The following GABRB1 variants were observed in gnomAD, a reference collection of about 807,000 sequenced individuals.
GABRB1 encodes gamma-aminobutyric acid receptor subunit beta-1.
In GABRB1, 17 loss-of-function variants were observed where a neutral mutation model predicts 51.6. The ratio of observed to expected loss-of-function variants is 0.33; its 90% CI spans 0.23 to 0.49. The LOEUF (loss-of-function observed/expected upper bound fraction) is 0.49, where lower values mean the gene tolerates loss of function less well. GABRB1 is among the 20% of genes least tolerant of loss of function. The pLI is 0.99. For synonymous variants in GABRB1, 247 were observed against 218.9 expected, an observed-to-expected ratio of 1.13 and a Z score of -1.14; for missense variants, 410 against 600.6, an observed-to-expected ratio of 0.68 and a Z score of 3.32.
rs562731906 is a variant in GABRB1, at chr4:47,304,138, G to C, written c.462-15989G>C. Among the ~76,000 whole-genome samples, 13 of 151,960 alleles carry C rather than the reference G, an allele frequency of 8.6e-5. No individual in the cohort carries two copies. The East Asian group carries it at 2.5e-3, about 29-fold the overall frequency. On this transcript the variant is annotated intron_variant, in intron 4 of 8. Coordinates refer to ENST00000295454, the MANE Select transcript of GABRB1 (RefSeq NM_000812.4). ...GATATCTCTTCAACAGACTGATTTT[G>C]TTTCCTTTGACTATTTACCCAGTAG...
At chr4:47,259,915 T>C (rs1471785965) in intron 4 of GABRB1, among the ~76,000 whole-genome samples, 1 of 152,194 alleles carries the variant, frequency 6.6e-6, no homozygotes, top group Non-Finnish European at 1.5e-5. Context: ...TGTCTGATGT[T>C]GACAGTGGGG....
intron 4 of GABRB1, among the ~76,000 whole-genome samples, chr4:47,163,164 G>GT (rs780534518): frequency 5.9e-4 from 90 of 152,062 alleles, no homozygotes; most frequent in Admixed American, 1.1e-3. Flanking sequence ...TTAAGACTTA[G>GT]TTTTATCAGT....
At chr4:47,247,994 G>A (rs1235142058) in intron 4 of GABRB1, among the ~76,000 whole-genome samples, 1 of 152,008 alleles carries the variant, frequency 6.6e-6, no homozygotes, top group Non-Finnish European at 1.5e-5. Flanking sequence ...TGATTTGGAT[G>A]CCCTTTGTTT....
At chr4:47,004,817 T>C (rs1724337201) in intron 1 of GABRB1, among the ~76,000 whole-genome samples, 1 of 152,254 alleles carries the variant, frequency 6.6e-6, no homozygotes, top group Non-Finnish European at 1.5e-5. Context: ...CATCTAGTTT[T>C]TCCACCTTTA....
At chr4:47,402,102 C>G (rs1038364516) in intron 5 of GABRB1, among the ~76,000 whole-genome samples, 1 of 152,160 alleles carries the variant, frequency 6.6e-6, no homozygotes, top group South Asian at 2.1e-4. Flanking sequence ...AAAGTTAAGA[C>G]AGTTTTGTTT....
At chr4:47,137,324 T>C (rs575876970) in intron 3 of GABRB1, among the ~76,000 whole-genome samples, 30 of 28,110 alleles carry the variant, frequency 1.1e-3, no homozygotes, top group African/African-American at 3.5e-3. Context: ...CGCATGTCAG[T>C]CCTTTGCTGT....
Position 47,119,761 on chromosome 4 carries a change from G to A in GABRB1, c.241-41488G>A, listed in dbSNP as rs187191592. On this transcript the variant is annotated intron_variant, in intron 3 of 8. Coordinates refer to ENST00000295454, the MANE Select transcript of GABRB1 (RefSeq NM_000812.4). The stretch of plus-strand genomic sequence containing the variant: ...CAACCTCAGGTGATCTGCCCACCTC[G>A]GCCTCCCAAAGTGCTAGGATTACCA... 1.3e-3 allele frequency among the ~76,000 whole-genome samples: 198 copies of A among 151,936 alleles called. 1 individual carries two copies. Among genetic ancestry groups the A allele is most frequent in the African/African-American group, 4.5e-3 (185 of 41,464 alleles).
chr4:47,258,752 A>T (rs1722313129), intron 4 of GABRB1, among the ~76,000 whole-genome samples: 1 of 152,178 alleles, frequency 6.6e-6, no homozygotes, highest in South Asian at 2.1e-4. Context: ...TGATAATTGC[A>T]ATCAATATAT....
At position 47,079,233 on chromosome 4, in the gene GABRB1, A is replaced by C. The variant is rs1047834738; in HGVS notation, c.240+46749A>C. ...TCTGGTAGAATTCGGATGTGAATCC[A>C]TCTGGTCCTGGACTTTTTTTGGTTG... is the stretch of plus-strand genomic sequence containing the variant. On this transcript the variant is annotated intron_variant, in intron 3 of 8. Coordinates refer to ENST00000295454, the MANE Select transcript of GABRB1 (RefSeq NM_000812.4). Among the ~76,000 whole-genome samples, 32 of 151,644 alleles carry C rather than the reference A, an allele frequency of 2.1e-4. 1 individual carries two copies. The highest frequency in any genetic ancestry group is 7.4e-5 in the Non-Finnish European group (5 of 67,788).
At chr4:47,079,665 G>A (rs1727737917) in intron 3 of GABRB1, among the ~76,000 whole-genome samples, 1 of 151,940 alleles carries the variant, frequency 6.6e-6, no homozygotes, top group African/African-American at 2.4e-5. Context: ...ATACTATGCA[G>A]CCATGAAAAA....
intron 3 of GABRB1, among the ~76,000 whole-genome samples, chr4:47,123,760 A>C (rs796631215): frequency 4.6e-5 from 4 of 87,436 alleles, no homozygotes; most frequent in African/African-American, 1.4e-4. Flanking sequence ...AATATATTAT[A>C]ATATATTATA....
chr4:47,402,235 AT>A (rs1391025501), intron 5 of GABRB1, among the ~76,000 whole-genome samples: 7 of 152,272 alleles, frequency 4.6e-5, no homozygotes, highest in Non-Finnish European at 8.8e-5. Flanking sequence ...CAAATACATC[AT>A]TTTTTATCTC....
At chr4:47,303,779 C>T (rs1724349896) in intron 4 of GABRB1, among the ~76,000 whole-genome samples, 1 of 151,884 alleles carries the variant, frequency 6.6e-6, no homozygotes, top group South Asian at 2.1e-4. Flanking sequence ...TTCAAGAATA[C>T]ATTATTATTA....
intron 4 of GABRB1, among the ~76,000 whole-genome samples, chr4:47,182,901 G>A (rs533535390): frequency 4.6e-5 from 7 of 151,920 alleles, no homozygotes; most frequent in African/African-American, 1.4e-4. Flanking sequence ...AAATTCCAAA[G>A]AAACTAGAAT....
At chr4:47,031,468 T>C, upstream of GABRB1, 1 of 611,222 alleles carries the variant, frequency 1.6e-6, no homozygotes, top group Non-Finnish European at 2.9e-6. Flanking sequence ...ATAGGAACTT[T>C]AGAGGGATTG....
chr4:47,423,749 T>G (rs948550606), intron 8 of GABRB1, among the ~76,000 whole-genome samples: 1 of 152,202 alleles, frequency 6.6e-6, no homozygotes, highest in African/African-American at 2.4e-5. Flanking sequence ...TAATCCCAAA[T>G]TTGGTACTTG....
intron 4 of GABRB1, among the ~76,000 whole-genome samples, chr4:47,284,000 A>G (rs1446771371): frequency 6.8e-6 from 1 of 147,470 alleles, no homozygotes; most frequent in East Asian, 2.1e-4. Context: ...CTGGAGGCTG[A>G]GGCAGGAGAA....
intron 5 of GABRB1, among the ~76,000 whole-genome samples, chr4:47,395,770 C>T (rs1418512348): frequency 6.6e-6 from 1 of 152,100 alleles, no homozygotes; most frequent in Non-Finnish European, 1.5e-5. Flanking sequence ...CCTAGTCCCC[C>T]CAAAAGAAAT....
chr4:47,214,556 A>T (rs1262121174), intron 4 of GABRB1, among the ~76,000 whole-genome samples: 2 of 152,186 alleles, frequency 1.3e-5, no homozygotes, highest in African/African-American at 2.4e-5. Context: ...AAAATACCCT[A>T]TGGGAAATGT....
Sources: allele counts gnomAD v4.1 joint callset (sites outside exome capture counted in the v4.1 genomes callset), GRCh38; gene constraint gnomAD v4.1.1; transcripts MANE v1.5; gene names NCBI Gene and HGNC (gene_info 2026-07-23, HGNC 2026-07-21).